Variants in CTSB observed in about 807,000 individuals in gnomAD.
CTSB encodes the protein cathepsin B.
Under a neutral mutation model 44.3 loss-of-function variants are expected in CTSB, and 57 were observed. That is an observed-to-expected ratio of 1.29 (90% confidence interval 1.04 to 1.60). The LOEUF (loss-of-function observed/expected upper bound fraction) is 1.60. Among genes scored for constraint, CTSB ranks in the 40% most tolerant of loss-of-function variants. CTSB has a pLI of 0.00. For missense variants in CTSB, 768 were observed against 443.0 expected (o/e 1.73, Z -6.59); for synonymous variants, 320 against 168.0 (o/e 1.91, Z -7.00).
chr8:11,842,935 CCTTTTTT>C lies in CTSB; in HGVS notation c.*2183_*2189del, dbSNP rs1812518041. The C allele has an allele frequency of 1.1e-5, 1 of 87,982 alleles. No homozygotes were observed. The allele number at this position is 87,982 out of a possible 1,614,324, so 5.5% of individuals were successfully genotyped here. A position where few individuals can be genotyped will look rare whatever the true frequency, so the allele number is the denominator to read the frequency against. Reference sequence around the variant, plus strand: ...TACAGGCTTGAGCCACTGCGCCCGGCCTTTTTTTTTTTTTTTTTTTTTTTAATTATTG... The same window carrying C: ...TACAGGCTTGAGCCACTGCGCCCGGCTTTTTTTTTTTTTTTTTAATTATTG... On this transcript the variant is annotated 3_prime_UTR_variant, in exon 10 of 10. Transcript: ENST00000353047.
chr8:11,845,150 G>A lies in CTSB; in HGVS notation c.995C>T (p.Thr332Ile), dbSNP rs144732218. The change falls in exon 10 of 10, where the codon ACC (threonine) becomes ATC (isoleucine). Residue 332 changes from threonine (T) to isoleucine (I), a missense_variant. Transcript: ENST00000353047. ...ESEVVAGIPR[T>I]DQYWEKI ...TTAGATCTTTTCCCAGTACTGATCGGTGCGTGGAATTCCAGCCACCACTTC... is the reference window on the plus strand; with the variant it reads ...TTAGATCTTTTCCCAGTACTGATCGATGCGTGGAATTCCAGCCACCACTTC... 6.2e-7 allele frequency: 1 copy of A among 1,613,518 alleles called. No homozygotes were observed. Among genetic ancestry groups the A allele is most frequent in the Non-Finnish European group, 8.5e-7 (1 of 1,179,536 alleles).
At chr8:11,845,541 C>T in intron 9 of CTSB, 120 bp downstream of exon 9, 4 of 1,263,036 alleles carry the variant, frequency 3.2e-6, no homozygotes, top group South Asian at 1.5e-5. Context: ...GAGGAGCTCA[C>T]AGCCTGGCCG....
At chr8:11,861,195 T>C (rs893455748) in intron 1 of CTSB, among the ~76,000 whole-genome samples, 7 of 152,238 alleles carry the variant, frequency 4.6e-5, no homozygotes, top group Admixed American at 3.3e-4. Context: ...GAGGCCCATC[T>C]GTCCCATGGA....
chr8:11,857,170 T>C (rs1815648302), intron 1 of CTSB, among the ~76,000 whole-genome samples: 1 of 152,186 alleles, frequency 6.6e-6, no homozygotes, highest in Admixed American at 6.5e-5. Flanking sequence ...ATTACAGGCC[T>C]GTGCTACCAC....
At chr8:11,858,706 G>A (rs1488169509) in intron 1 of CTSB, among the ~76,000 whole-genome samples, 3 of 152,204 alleles carry the variant, frequency 2.0e-5, no homozygotes, top group Non-Finnish European at 4.4e-5. Context: ...CAGAGGTCCT[G>A]ACAGCAGTGG....
At position 11,852,377 on chromosome 8, in the gene CTSB, A is replaced by G. The variant is rs185876175; in HGVS notation, c.212+233T>C. Among the ~76,000 whole-genome samples the G allele has an allele frequency of 2.1e-3, 320 of 152,264 alleles. 2 individuals are homozygous for G. The highest frequency in any genetic ancestry group is 7.5e-3 in the African/African-American group (310 of 41,568). On this transcript the variant is annotated intron_variant, in intron 3 of 9. Coordinates refer to ENST00000353047, the MANE Select transcript of CTSB (RefSeq NM_001908.5). The stretch of plus-strand genomic sequence containing the variant: ...CAGAGTGAGACTCTCTCAAAAACCA[A>G]AAAAAAGCACCAGCATCTTCTCTAC...
chr8:11,863,784 T>C (rs957103747), intron 1 of CTSB, among the ~76,000 whole-genome samples: 1 of 152,116 alleles, frequency 6.6e-6, no homozygotes, highest in African/African-American at 2.4e-5. Context: ...TACTATCTAG[T>C]GTTGGTAAAT....
In CTSB at chr8:11,847,764, T is replaced by C. The variant is rs894323936; in HGVS notation, c.591A>G (p.Pro197=). The change falls in exon 7 of 10, where the codon CCA becomes CCG. Residue 197 remains proline (P), a synonymous_variant. Transcript: ENST00000353047. ...TGGGGGTATCTCCCTCCCCCGTGCA[T>C]GGGGGCCGGGAGCCGTTGACGTGGT... ...CEHHVNGSRP[P]CTGEGDTPKC... The C allele has an allele frequency of 3.7e-6, 6 of 1,601,384 alleles. No individual in the cohort carries two copies. The highest frequency in any genetic ancestry group is 1.1e-5 in the South Asian group (1 of 89,256).
intron 3 of CTSB, 75 bp downstream of exon 3, chr8:11,852,535 A>T: frequency 8.1e-7 from 1 of 1,240,752 alleles, no homozygotes; most frequent in Non-Finnish European, 1.1e-6. Flanking sequence ...AGAGGCCTTC[A>T]CTCTCCCACT....
intron 4 of CTSB, chr8:11,850,599 G>T (rs1047330616): frequency 1.1e-4 from 33 of 304,556 alleles, no homozygotes; most frequent in Non-Finnish European, 1.8e-4. Context: ...ATTTGCGGAC[G>T]GGCCAGCATG....
rs371673191 is a variant in CTSB at position 11,852,593 on chromosome 8, G to A, written c.212+17C>T. On this transcript the variant is annotated intron_variant, in intron 3 of 9. Coordinates refer to ENST00000353047, the MANE Select transcript of CTSB (RefSeq NM_001908.5). ...CTGCCACTCACATTACAGCGGTGCA[G>A]AGGAGCAGGCACTCACCTCTGGGGT... is the stretch of plus-strand genomic sequence containing the variant. 72 of 1,606,734 alleles carry A rather than the reference G, an allele frequency of 4.5e-5. No homozygotes were observed. The highest frequency in any genetic ancestry group is 6.0e-5 in the Non-Finnish European group (70 of 1,174,706).
intron 2 of CTSB, among the ~76,000 whole-genome samples, chr8:11,853,085 A>C (rs551708204): frequency 6.6e-6 from 1 of 151,714 alleles, no homozygotes; most frequent in African/African-American, 2.4e-5. Flanking sequence ...TCCCCCACAC[A>C]CCTCCACGTG....
intron 3 of CTSB, among the ~76,000 whole-genome samples, chr8:11,851,209 G>C (rs1454945312): frequency 6.6e-6 from 1 of 152,022 alleles, no homozygotes; most frequent in Non-Finnish European, 1.5e-5. Flanking sequence ...GGGTGGGAGT[G>C]GACAGAATTT....
chr8:11,853,070 C>T (rs1814886537), intron 2 of CTSB, among the ~76,000 whole-genome samples: 1 of 152,108 alleles, frequency 6.6e-6, no homozygotes, highest in African/African-American at 2.4e-5. Flanking sequence ...CCGAAGCTCA[C>T]TTACTCCCCC....
chr8:11,857,357 T>A (rs531945706), intron 1 of CTSB, among the ~76,000 whole-genome samples: 1 of 152,182 alleles, frequency 6.6e-6, no homozygotes, highest in South Asian at 2.1e-4. Flanking sequence ...TTTCCGTGAC[T>A]CGTGGGTAGG....
At chr8:11,862,811 G>A (rs1255815181) in intron 1 of CTSB, among the ~76,000 whole-genome samples, 1 of 152,234 alleles carries the variant, frequency 6.6e-6, no homozygotes, top group Non-Finnish European at 1.5e-5. Context: ...GGGCTCTTAG[G>A]GCAGAATATC....
In CTSB at chr8:11,843,619, G is replaced by T. The variant is rs749555363; in HGVS notation, c.*1506C>A. On this transcript the variant is annotated 3_prime_UTR_variant, in exon 10 of 10. Coordinates refer to ENST00000353047, the MANE Select transcript of CTSB (RefSeq NM_001908.5). ...CTGACTCCAGCCCAAACCAAGGCTGGAGGGCATCCAGGGGGATGTGGTTCC... is the reference window on the plus strand; with the variant it reads ...CTGACTCCAGCCCAAACCAAGGCTGTAGGGCATCCAGGGGGATGTGGTTCC... 2 of 152,252 alleles carry T rather than the reference G, an allele frequency of 1.3e-5. No homozygotes were observed. Among genetic ancestry groups the T allele is most frequent in the African/African-American group, 2.4e-5 (1 of 41,454 alleles). The allele number at this position is 152,252 out of a possible 1,614,324, so 9.4% of individuals were successfully genotyped here.
rs547963947 is a variant in CTSB at position 11,847,163 on chromosome 8, T to G, written c.682A>C (p.Asn228His). 3.1e-6 allele frequency: 5 copies of G among 1,606,302 alleles called. No homozygotes were observed. The highest frequency in any genetic ancestry group is 4.3e-6 in the Non-Finnish European group (5 of 1,173,136). Reference sequence around the variant, plus strand: ...TCGCTATTGGAGACGCTGTAGGAATTGTATCCTGGAAAATGAACCGAGCTC... The same window carrying G: ...TCGCTATTGGAGACGCTGTAGGAATGGTATCCTGGAAAATGAACCGAGCTC... ...TYKQDKHYGY[N>H]SYSVSNSEKD... The change falls in exon 8 of 10, where the codon AAT (asparagine) becomes CAT (histidine). Residue 228 changes from asparagine (N) to histidine (H), a missense_variant. Transcript: ENST00000353047.
intron 9 of CTSB, 22 bp from the exon 10 acceptor site, chr8:11,845,244 C>G: frequency 6.4e-7 from 1 of 1,573,732 alleles, no homozygotes; most frequent in Non-Finnish European, 8.7e-7. Flanking sequence ...AAGTAAGGTG[C>G]TTTTAAAGTG....
Sources: gnomAD v4.1 joint callset for allele counts (sites outside exome capture counted in the v4.1 genomes callset) on GRCh38, gnomAD v4.1.1 for gene constraint, MANE v1.5 for transcripts, NCBI Gene and HGNC (gene_info 2026-07-23, HGNC 2026-07-21) for gene names.